The following THRB variants were observed in gnomAD, a reference collection of about 807,000 sequenced individuals.
THRB encodes the protein thyroid hormone receptor beta.
THRB carries 12 observed loss-of-function variants against 47.8 expected under a neutral mutation model. The observed-to-expected ratio is 0.25, with a 90% CI of 0.16 to 0.41. The LOEUF is 0.41. Among genes scored for constraint, THRB ranks in the 10% least tolerant of loss-of-function variants. The probability of loss-of-function intolerance (pLI) is 1.00; values close to 1 mark genes in which losing one functional copy is unlikely to be tolerated. For synonymous variants in THRB, 218 were observed against 212.2 expected (o/e 1.03, Z -0.24); for missense variants, 348 against 589.2 (o/e 0.59, Z 4.24).
chr3:24,137,877 T>C (rs2034889422), intron 8 of THRB, among the ~76,000 whole-genome samples: 3 of 151,978 alleles, frequency 2.0e-5, no homozygotes, highest in Non-Finnish European at 4.4e-5. Flanking sequence ...GCAGTAGAGA[T>C]GGAGAGGCCT....
At chr3:24,346,013 A>G (rs757917271) in intron 1 of THRB, among the ~76,000 whole-genome samples, 3 of 152,150 alleles carry the variant, frequency 2.0e-5, no homozygotes, top group Non-Finnish European at 2.9e-5. Flanking sequence ...ATATTTAAAG[A>G]AGTATACTTC....
chr3:24,416,489 A>G (rs2150233391), intron 1 of THRB, among the ~76,000 whole-genome samples: 1 of 152,012 alleles, frequency 6.6e-6, no homozygotes, highest in African/African-American at 2.4e-5. Context: ...AACAAGGGCA[A>G]GAATCTGTTT....
At chr3:24,195,935 G>A (rs2043902751) in intron 4 of THRB, among the ~76,000 whole-genome samples, 1 of 152,170 alleles carries the variant, frequency 6.6e-6, no homozygotes, top group African/African-American at 2.4e-5. Flanking sequence ...TGTCACCAAT[G>A]GGAACTGTTT....
At chr3:24,173,745 C>T (rs2040759321) in intron 5 of THRB, among the ~76,000 whole-genome samples, 1 of 152,170 alleles carries the variant, frequency 6.6e-6, no homozygotes, top group South Asian at 2.1e-4. Context: ...AACTTTGGTT[C>T]TATTCTCAGC....
intron 3 of THRB, among the ~76,000 whole-genome samples, chr3:24,289,738 T>C (rs1177789295): frequency 6.6e-6 from 1 of 152,250 alleles, no homozygotes; most frequent in Admixed American, 6.5e-5. Context: ...TGTCACATTT[T>C]TTCTTTCATG....
At chr3:24,299,356 A>C (rs2056733243) in intron 2 of THRB, among the ~76,000 whole-genome samples, 1 of 152,044 alleles carries the variant, frequency 6.6e-6, no homozygotes, top group Non-Finnish European at 1.5e-5. Context: ...AGAGTTCTTT[A>C]AAAATAAGAA....
At chr3:24,276,766 G>A (rs1363564934) in intron 3 of THRB, among the ~76,000 whole-genome samples, 1 of 152,252 alleles carries the variant, frequency 6.6e-6, no homozygotes, top group African/African-American at 2.4e-5. Flanking sequence ...AAAACACCTG[G>A]TGGACCCAGT....
At position 24,121,755 on chromosome 3, in the gene THRB, T is replaced by G. The variant is rs1240761874; in HGVS notation, c.*1129A>C. The G allele has an allele frequency of 6.6e-6, 1 of 152,282 alleles. No individual in the cohort carries two copies. Among genetic ancestry groups the G allele is most frequent in the Non-Finnish European group, 1.5e-5 (1 of 68,092 alleles). The allele number at this position is 152,282 out of a possible 1,614,324, so 9.4% of individuals were successfully genotyped here. ...GGGAAAAAGGGGACTAGGAGACATTTGTCAATGAGGCAAGGAGCTTGAGGA... is the reference window on the plus strand; with the variant it reads ...GGGAAAAAGGGGACTAGGAGACATTGGTCAATGAGGCAAGGAGCTTGAGGA... On this transcript the variant is annotated 3_prime_UTR_variant, in exon 11 of 11. Coordinates refer to ENST00000646209, the MANE Select transcript of THRB (RefSeq NM_001354712.2).
intron 9 of THRB, among the ~76,000 whole-genome samples, 154 bp from the exon 10 acceptor site, chr3:24,127,911 GCAGACTTTCGACAAC>G (rs1257606874): frequency 6.6e-6 from 1 of 152,180 alleles, no homozygotes; most frequent in African/African-American, 2.4e-5. Flanking sequence ...CTACTTGGCT[GCAGACTTTCGACAAC>G]CATTTTTCAT....
intron 5 of THRB, among the ~76,000 whole-genome samples, chr3:24,189,520 G>GT (rs34737237): frequency 0.24 from 36,670 of 151,794 alleles, 4,621 homozygotes; most frequent in Non-Finnish European, 0.27. Context: ...CCAGTTTAAT[G>GT]TTTTTTTTGC....
At chr3:24,212,161 G>T (rs976896052) in intron 4 of THRB, among the ~76,000 whole-genome samples, 8 of 152,088 alleles carry the variant, frequency 5.3e-5, no homozygotes, top group African/African-American at 1.9e-4. Flanking sequence ...CACTTTGGGA[G>T]GCCGAGGTGG....
intron 5 of THRB, among the ~76,000 whole-genome samples, chr3:24,189,307 TG>T (rs1306460779): frequency 6.6e-6 from 1 of 151,650 alleles, no homozygotes; most frequent in African/African-American, 2.4e-5. Flanking sequence ...ACCACTAAAC[TG>T]AAAAAGAATG....
chr3:24,192,737 G>T (rs1249519182), intron 4 of THRB, among the ~76,000 whole-genome samples: 3 of 152,148 alleles, frequency 2.0e-5, no homozygotes, highest in Non-Finnish European at 2.9e-5. Flanking sequence ...CTACACTTGG[G>T]GTGAGGTAAG....
chr3:24,443,344 A>G (rs963001323), intron 1 of THRB, among the ~76,000 whole-genome samples: 1 of 152,218 alleles, frequency 6.6e-6, no homozygotes, highest in African/African-American at 2.4e-5. Context: ...AAAGTTATAA[A>G]AGTATTATCT....
intron 3 of THRB, among the ~76,000 whole-genome samples, chr3:24,294,941 A>T (rs1018168611): frequency 6.6e-6 from 1 of 152,234 alleles, no homozygotes; most frequent in Non-Finnish European, 1.5e-5. Context: ...AACAAACAGG[A>T]TAGAGATGTC....
chr3:24,225,082 C>A (rs1159130296), intron 4 of THRB, among the ~76,000 whole-genome samples: 1 of 152,084 alleles, frequency 6.6e-6, no homozygotes, highest in Admixed American at 6.5e-5. Context: ...TATGAACAAG[C>A]AAGTTACAGA....
At chr3:24,470,196 G>T (rs932661397) in intron 1 of THRB, among the ~76,000 whole-genome samples, 1 of 152,152 alleles carries the variant, frequency 6.6e-6, no homozygotes, top group Non-Finnish European at 1.5e-5. Context: ...ACGCTAGATA[G>T]GCACATTACG....
At chr3:24,249,556 A>AGTT (rs2050451555) in intron 3 of THRB, among the ~76,000 whole-genome samples, 1 of 152,134 alleles carries the variant, frequency 6.6e-6, no homozygotes, top group African/African-American at 2.4e-5. Flanking sequence ...CTAACCCAGA[A>AGTT]CTTAAACAAT....
At chr3:24,395,073 G>A (rs1177802024) in intron 1 of THRB, among the ~76,000 whole-genome samples, 1 of 152,078 alleles carries the variant, frequency 6.6e-6, no homozygotes, top group African/African-American at 2.4e-5. Context: ...TCCACATGCA[G>A]AAGAATGAAG....
Sources: gnomAD v4.1 joint callset for allele counts (sites outside exome capture counted in the v4.1 genomes callset) on GRCh38, gnomAD v4.1.1 for gene constraint, MANE v1.5 for transcripts, NCBI Gene and HGNC (gene_info 2026-07-23, HGNC 2026-07-21) for gene names.